The following DCAF7 variants were observed in gnomAD, a reference collection of about 807,000 sequenced individuals.
DCAF7 encodes DDB1 and CUL4 associated factor 7.
Under a neutral mutation model 41.2 loss-of-function variants are expected in DCAF7, and 4 were observed. That is an observed-to-expected ratio of 0.10 (90% CI 0.05 to 0.22). The LOEUF (loss-of-function observed/expected upper bound fraction) is 0.22. Ranked by LOEUF, DCAF7 falls within the 10% of genes least tolerant of loss-of-function variation. The pLI, the probability that DCAF7 is intolerant of heterozygous loss-of-function variation, is 1.00. For missense variants in DCAF7, 131 were observed against 443.2 expected (o/e 0.30, Z 6.32); for synonymous variants, 143 against 164.2 (o/e 0.87, Z 0.99).
rs746158619 is a variant in DCAF7 at position 63,550,856 on chromosome 17, G to A, written c.138+41G>A. ...GCTCGGAACCCAGCTGGCGGGGAGC[G>A]GGCCCCGGGAGCGCCCTTTCCGGGC... is the stretch of plus-strand genomic sequence containing the variant. On this transcript the variant is annotated intron_variant, in intron 1 of 6. Coordinates refer to ENST00000614556, the MANE Select transcript of DCAF7 (RefSeq NM_005828.5). The surrounding 1 kb of genome is among the most constrained non-coding windows in gnomAD (Gnocchi z 4.8). The A allele has an allele frequency of 4.4e-6, 7 of 1,596,446 alleles. No homozygotes were observed. The South Asian group carries it at 6.7e-5, about 15-fold the overall frequency.
Position 63,589,413 on chromosome 17 carries a change from C to T in DCAF7, c.*241C>T, listed in dbSNP as rs888686746. ...GAGTTTTAAGATTTTCTCTCCTTTC[C>T]TCTTCTCCTTTGGTTCCTCAATTAA... is the stretch of plus-strand genomic sequence containing the variant. On this transcript the variant is annotated 3_prime_UTR_variant, in exon 7 of 7. Coordinates refer to ENST00000614556, the MANE Select transcript of DCAF7 (RefSeq NM_005828.5). The T allele has an allele frequency of 1.4e-5, 8 of 584,308 alleles. No individual in the cohort carries two copies. The highest frequency in any genetic ancestry group is 1.9e-5 in the African/African-American group (1 of 53,336). The allele number at this position is 584,308 out of a possible 1,614,324, so 36.2% of individuals were successfully genotyped here.
rs1253396838 is a variant in DCAF7 at position 63,591,376 on chromosome 17, A to C, written c.*2204A>C. On this transcript the variant is annotated 3_prime_UTR_variant, in exon 7 of 7. Transcript: ENST00000614556. Reference sequence around the variant, plus strand: ...ACTTGAAAAAAAAATAATAATTAGAACATATTTGCATAAGATAGCTATTTA... The same window carrying C: ...ACTTGAAAAAAAAATAATAATTAGACCATATTTGCATAAGATAGCTATTTA... The C allele has an allele frequency of 6.6e-6, 1 of 152,196 alleles. No homozygotes were observed. Among genetic ancestry groups the C allele is most frequent in the South Asian group, 2.1e-4 (1 of 4,828 alleles). 9.4% of individuals were successfully genotyped at this position (152,196 alleles called of 1,614,324 possible).
At chr17:63,580,137 G>C (rs1211319595) in intron 4 of DCAF7, among the ~76,000 whole-genome samples, 194 bp downstream of exon 4, 1 of 151,942 alleles carries the variant, frequency 6.6e-6, no homozygotes. Flanking sequence ...CTTTTTTTTG[G>C]CTAATGTAAA....
intron 1 of DCAF7, among the ~76,000 whole-genome samples, chr17:63,558,664 C>T (rs1034913143): frequency 1.3e-5 from 2 of 152,150 alleles, no homozygotes; most frequent in Non-Finnish European, 2.9e-5. Flanking sequence ...CTATGTTGCT[C>T]AGACTGGTCT....
At chr17:63,574,461 T>G (rs1217591190) in intron 1 of DCAF7, among the ~76,000 whole-genome samples, 1 of 152,144 alleles carries the variant, frequency 6.6e-6, no homozygotes, top group African/African-American at 2.4e-5. Context: ...CTGTGGGTGC[T>G]CCATAAAATG....
Position 63,579,993 on chromosome 17 carries a change from C to T in DCAF7, c.528+50C>T, listed in dbSNP as rs138405339. 5.6e-5 allele frequency: 78 copies of T among 1,393,030 alleles called. No homozygotes were observed. In the African/African-American group the frequency reaches 8.6e-4, roughly 15 times the overall value. 86.3% of individuals were successfully genotyped at this position (1,393,030 alleles called of 1,614,324 possible). On this transcript the variant is annotated intron_variant, in intron 4 of 6. Coordinates refer to ENST00000614556, the MANE Select transcript of DCAF7 (RefSeq NM_005828.5). ...TTCCTCAAATGCTTCCTGTGCCTTC[C>T]GCACAGGAAGAGGTCAGCTTGTTCT...
chr17:63,574,693 T>C (rs137901617), intron 1 of DCAF7, among the ~76,000 whole-genome samples: 14 of 152,286 alleles, frequency 9.2e-5, no homozygotes, highest in African/African-American at 3.4e-4. Context: ...AGTTTCATGG[T>C]CAAGCACAGT....
Position 63,583,826 on chromosome 17 carries a change from G to A in DCAF7, c.738+115G>A, listed in dbSNP as rs1383348677. The stretch of plus-strand genomic sequence containing the variant: ...TGGCTCCCGGAGTATCTTTGGGAAT[G>A]TCTGGAGGCATTTTTGATTGTCACA... On this transcript the variant is annotated intron_variant, in intron 5 of 6. Transcript: ENST00000614556. 33 of 1,047,288 alleles carry A rather than the reference G, an allele frequency of 3.2e-5. No individual in the cohort carries two copies. In the South Asian group the frequency reaches 4.5e-4, roughly 14 times the overall value. 64.9% of individuals were successfully genotyped at this position (1,047,288 alleles called of 1,614,324 possible). A position where few individuals can be genotyped will look rare whatever the true frequency, so the allele number is the denominator to read the frequency against.
chr17:63,561,670 A>G (rs2033382037), intron 1 of DCAF7, among the ~76,000 whole-genome samples: 2 of 152,206 alleles, frequency 1.3e-5, no homozygotes. Context: ...CAGTGAGCCT[A>G]GATCGAGCCA....
At chr17:63,568,096 C>T (rs2033464803) in intron 1 of DCAF7, among the ~76,000 whole-genome samples, 1 of 152,128 alleles carries the variant, frequency 6.6e-6, no homozygotes, top group Non-Finnish European at 1.5e-5. Context: ...TCTCAGCTCA[C>T]CATAACCTCC....
At chr17:63,564,136 T>TACACACACACACACACACACAC (rs369218596) in intron 1 of DCAF7, among the ~76,000 whole-genome samples, 50 of 148,082 alleles carry the variant, frequency 3.4e-4, no homozygotes, top group East Asian at 2.2e-3. Flanking sequence ...GTTAACTTTA[T>TACACACACACACACACACACAC]ACACACACAC....
intron 1 of DCAF7, among the ~76,000 whole-genome samples, chr17:63,572,309 G>C (rs942119466): frequency 1.4e-4 from 21 of 152,180 alleles, no homozygotes; most frequent in African/African-American, 5.1e-4. Flanking sequence ...GTTAAGTGGG[G>C]AGCCCTAGAA....
At position 63,578,924 on chromosome 17, in the gene DCAF7, C is replaced by T. The variant is rs141190705; in HGVS notation, c.297+296C>T. 1.1e-4 allele frequency among the ~76,000 whole-genome samples: 17 copies of T among 152,324 alleles called. No homozygotes were observed. The East Asian group carries it at 2.1e-3, about 19-fold the overall frequency. ...TGGGAACTCATATTCTGTTTGCAGC[C>T]AAGGTATTTTTGAGTAAACTAAATG... On this transcript the variant is annotated intron_variant, in intron 2 of 6. Transcript: ENST00000614556.
At chr17:63,573,571 A>G (rs1236473148) in intron 1 of DCAF7, among the ~76,000 whole-genome samples, 1 of 145,274 alleles carries the variant, frequency 6.9e-6, no homozygotes, top group Non-Finnish European at 1.5e-5. Flanking sequence ...CGAAAAATAC[A>G]AAAAAAAAAT....
intron 1 of DCAF7, among the ~76,000 whole-genome samples, chr17:63,553,079 A>C (rs545773061): frequency 2.6e-5 from 4 of 152,252 alleles, no homozygotes; most frequent in Admixed American, 2.6e-4. Context: ...TAAAACACAT[A>C]GAATTACAAA....
intron 1 of DCAF7, among the ~76,000 whole-genome samples, chr17:63,563,862 C>T (rs541260044): frequency 6.7e-4 from 102 of 151,480 alleles, no homozygotes; most frequent in Middle Eastern, 3.4e-3. Context: ...AAATAAGTAG[C>T]GGCAAGTAAG....
chr17:63,587,560 CT>C (rs1464624758), intron 6 of DCAF7, among the ~76,000 whole-genome samples: 2,325 of 152,274 alleles, frequency 0.015, 56 homozygotes, highest in African/African-American at 0.053. Flanking sequence ...GGAAAAGGGC[CT>C]TAGTGCTCTA....
At position 63,589,263 on chromosome 17, in the gene DCAF7, C is replaced by T. The variant is rs370521854; in HGVS notation, c.*91C>T. ...GTAAGAAGAAACATGTTTCCAGTGG[C>T]CAGTATGTCTTTCATTGCTTTGCAC... is the stretch of plus-strand genomic sequence containing the variant. On this transcript the variant is annotated 3_prime_UTR_variant, in exon 7 of 7. Coordinates refer to ENST00000614556, the MANE Select transcript of DCAF7 (RefSeq NM_005828.5). 3 of 1,533,240 alleles carry T rather than the reference C, an allele frequency of 2.0e-6. No homozygotes were observed. 95.0% of individuals were successfully genotyped at this position (1,533,240 alleles called of 1,614,324 possible). A position where few individuals can be genotyped will look rare whatever the true frequency, so the allele number is the denominator to read the frequency against.
chr17:63,592,417 A>AT lies in DCAF7; in HGVS notation c.*3245_*3246insT, dbSNP rs1264821380. 2 of 149,720 alleles carry AT rather than the reference A, an allele frequency of 1.3e-5. No homozygotes were observed. The highest frequency in any genetic ancestry group is 5.1e-5 in the African/African-American group (2 of 39,164). 9.3% of individuals were successfully genotyped at this position (149,720 alleles called of 1,614,324 possible). On this transcript the variant is annotated 3_prime_UTR_variant, in exon 7 of 7. Transcript: ENST00000614556. ...AAGACTCCGTCTCAAAAAATAAAAA[A>AT]AAAAAAAAAATAGGTGAAAATTCCT...
Sources: allele counts gnomAD v4.1 joint callset (sites outside exome capture counted in the v4.1 genomes callset), GRCh38; gene constraint gnomAD v4.1.1; non-coding constraint Gnocchi (gnomAD v3.1); transcripts MANE v1.5; gene names NCBI Gene and HGNC (gene_info 2026-07-23, HGNC 2026-07-21).